Variants in NSD1 observed in about 807,000 individuals in gnomAD.
The protein encoded by NSD1 is histone-lysine N-methyltransferase, H3 lysine-36 specific.
Under a neutral mutation model 242.7 loss-of-function variants are expected in NSD1, and 26 were observed. That is an observed-to-expected ratio of 0.11 (90% CI 0.08 to 0.15). The LOEUF is 0.15. Among genes scored for constraint, NSD1 ranks in the 10% least tolerant of loss-of-function variants. The pLI, the probability that NSD1 is intolerant of heterozygous loss-of-function variation, is 1.00. For synonymous variants in NSD1, 1,106 were observed against 1,178.1 expected (o/e 0.94, Z 1.25); for missense variants, 2,495 against 3,272.8 (o/e 0.76, Z 5.80).
At chr5:177,168,132 C>T (rs1232031965) in intron 2 of NSD1, among the ~76,000 whole-genome samples, 1 of 152,126 alleles carries the variant, frequency 6.6e-6, no homozygotes, top group Non-Finnish European at 1.5e-5. Flanking sequence ...GATGTCTTCC[C>T]ATTTCTTTAG....
At chr5:177,236,043 T>C (rs1765413525) in intron 6 of NSD1, 98 bp downstream of exon 6, 3 of 1,347,808 alleles carry the variant, frequency 2.2e-6, no homozygotes, top group Admixed American at 3.4e-5. Context: ...ATAATTTCCT[T>C]AACTGAGATC....
upstream of NSD1, among the ~76,000 whole-genome samples, chr5:177,132,061 G>C (rs1755922044): frequency 6.6e-6 from 1 of 152,234 alleles, no homozygotes; most frequent in African/African-American, 2.4e-5. This position sits in a 1 kb window ranked among gnomAD's most constrained non-coding sequence, Gnocchi z 7.5. Flanking sequence ...CGCTGTCTTG[G>C]GGGATTGGAC....
intron 3 of NSD1, among the ~76,000 whole-genome samples, chr5:177,198,222 C>T (rs1325978489): frequency 1.3e-5 from 2 of 152,130 alleles, no homozygotes; most frequent in Non-Finnish European, 2.9e-5. Context: ...GACAAGATCT[C>T]CCTATGTTGC....
chr5:177,237,657 C>T (rs975425886), intron 6 of NSD1, among the ~76,000 whole-genome samples: 4 of 151,050 alleles, frequency 2.6e-5, no homozygotes, highest in African/African-American at 9.7e-5. Flanking sequence ...CTCAGCCTCC[C>T]GAGTAGCTGG....
At chr5:177,266,791 A>C in intron 14 of NSD1, 1 of 228,492 alleles carries the variant, frequency 4.4e-6, no homozygotes, top group Non-Finnish European at 8.5e-6. Context: ...TTCTGGCAAG[A>C]GCGTGGCTCA....
intron 4 of NSD1, among the ~76,000 whole-genome samples, chr5:177,205,179 G>A (rs1377117435): frequency 6.6e-6 from 1 of 151,928 alleles, no homozygotes; most frequent in Non-Finnish European, 1.5e-5. Flanking sequence ...TGGGATTATA[G>A]GTGCCCGCCA....
At position 177,267,727 on chromosome 5, in the gene NSD1, G is replaced by A. The variant is rs774734948; in HGVS notation, c.5303+9G>A. ...AAAGTTGGACGATACAGGTAAGCCT[G>A]AAGAATAGCACTCATCTCTTTTACC... On this transcript the variant is annotated intron_variant, in intron 15 of 22. Coordinates refer to ENST00000439151, the MANE Select transcript of NSD1 (RefSeq NM_022455.5). 4 of 1,613,182 alleles carry A rather than the reference G, an allele frequency of 2.5e-6. No individual in the cohort carries two copies. Among genetic ancestry groups the A allele is most frequent in the Non-Finnish European group, 3.4e-6 (4 of 1,179,444 alleles).
At chr5:177,241,326 G>C (rs868610609) in intron 8 of NSD1, among the ~76,000 whole-genome samples, 2 of 149,922 alleles carry the variant, frequency 1.3e-5, no homozygotes, top group Admixed American at 1.3e-4. Flanking sequence ...GTGAAACCCC[G>C]TCTCTACTAA....
In NSD1 at chr5:177,211,788, A is replaced by G. The variant is rs113856002; in HGVS notation, c.3389A>G (p.Glu1130Gly). 1.2e-4 allele frequency: 194 copies of G among 1,614,198 alleles called. 2 individuals are homozygous for G. In the African/African-American group the frequency reaches 1.9e-3, roughly 15 times the overall value. ...GKISEKGLSF[E>G]NGKGPELDSV... is the part of the protein sequence containing the mutation. ...ATTTCTGAAAAAGGACTCTCTTTTG[A>G]AAACGGAAAAGGCCCAGAGCTGGAC... The change falls in exon 5 of 23, where the codon GAA (glutamate) becomes GGA (glycine). Residue 1130 changes from glutamate to glycine, a missense_variant. Coordinates refer to ENST00000439151, the MANE Select transcript of NSD1 (RefSeq NM_022455.5).
In NSD1 at chr5:177,135,956, A is replaced by G. The variant is rs1756289197; in HGVS notation, c.853A>G (p.Ser285Gly). 1 of 1,614,108 alleles carries G rather than the reference A, an allele frequency of 6.2e-7. No individual in the cohort carries two copies. The highest frequency in any genetic ancestry group is 8.5e-7 in the Non-Finnish European group (1 of 1,179,956). ...ATCTTTTCAGGATGATCCAGATTCCAGTACCAGTACATTAGGAAACATGCT... is the reference window on the plus strand; with the variant it reads ...ATCTTTTCAGGATGATCCAGATTCCGGTACCAGTACATTAGGAAACATGCT... ...NLSFQDDPDS[S>G]TSTLGNMLEL... is the part of the protein sequence containing the mutation. Residue 285 changes from serine (S) to glycine (G), a missense_variant, in exon 2 of 23, where the codon AGT becomes GGT. By Grantham distance (56) the Ser-to-Gly change is moderately conservative. Around this residue, in one of 19 missense-constraint regions of NSD1, gnomAD observed 376 missense variants for 367.4 expected, o/e 1.02. Transcript: ENST00000439151.
intron 5 of NSD1, among the ~76,000 whole-genome samples, chr5:177,216,781 C>T (rs898767238): frequency 2.0e-5 from 3 of 151,242 alleles, no homozygotes; most frequent in African/African-American, 4.9e-5. Flanking sequence ...CTCAGACTCC[C>T]AAAAAGCGGG....
chr5:177,240,180 C>G (rs1033689741), intron 8 of NSD1, among the ~76,000 whole-genome samples: 1 of 152,116 alleles, frequency 6.6e-6, no homozygotes, highest in African/African-American at 2.4e-5. Flanking sequence ...TACTAAACTA[C>G]TATCTCAAAT....
At chr5:177,194,579 CTTTTTTT>C (rs1200627969) in intron 3 of NSD1, among the ~76,000 whole-genome samples, 6 of 88,570 alleles carry the variant, frequency 6.8e-5, no homozygotes, top group Non-Finnish European at 8.7e-5. Flanking sequence ...CACCATGCCT[CTTTTTTT>C]TTTTTTTTTT....
At chr5:177,239,612 A>G in intron 7 of NSD1, 144 bp from the exon 8 acceptor site, 2 of 590,392 alleles carry the variant, frequency 3.4e-6, no homozygotes, top group Non-Finnish European at 3.1e-6. Flanking sequence ...TATAATAAGC[A>G]AATTACCATC....
At chr5:177,206,049 G>A (rs1220055410) in intron 4 of NSD1, among the ~76,000 whole-genome samples, 4 of 151,952 alleles carry the variant, frequency 2.6e-5, no homozygotes, top group African/African-American at 9.7e-5. Context: ...ACCCAGGCCG[G>A]AGTACAATGG....
rs770929380 is a variant in NSD1 at position 177,211,917 on chromosome 5, G to T, written c.3518G>T (p.Arg1173Leu). The stretch of plus-strand genomic sequence containing the variant: ...CAAAGGCGCACTAAACCTCGTAAGC[G>T]CATGAACAGATTTAAAGAGAAAGAA... ...LNQRRTKPRK[R>L]MNRFKEKENS... The change falls in exon 5 of 23, where the codon CGC becomes CTC. Residue 1173 changes from arginine to leucine, a missense_variant. Physicochemically the swap from Arg to Leu is moderately radical, Grantham distance 102. Transcript: ENST00000439151. 6.2e-7 allele frequency: 1 copy of T among 1,606,724 alleles called. No homozygotes were observed. The highest frequency in any genetic ancestry group is 8.5e-7 in the Non-Finnish European group (1 of 1,176,500).
At chr5:177,256,654 TA>T (rs1756493291) in intron 12 of NSD1, among the ~76,000 whole-genome samples, 1 of 152,246 alleles carries the variant, frequency 6.6e-6, no homozygotes, top group East Asian at 1.9e-4. Context: ...ATATTTCCTG[TA>T]AACTTGTAGT....
In NSD1 at chr5:177,149,997, C is replaced by T. The variant is rs533354393; in HGVS notation, c.927+13967C>T. ...TGTCACCCAGGCTAGAGTGCAATTG[C>T]GTGATCTTGGCACACTGCAACCTCT... On this transcript the variant is annotated intron_variant, in intron 2 of 22. Transcript: ENST00000439151. Among the ~76,000 whole-genome samples the T allele has an allele frequency of 1.0e-3, 159 of 152,188 alleles. 1 individual carries two copies. Among genetic ancestry groups the T allele is most frequent in the African/African-American group, 3.7e-3 (155 of 41,538 alleles).
At chr5:177,279,497 CA>C (rs1010363693) in intron 17 of NSD1, among the ~76,000 whole-genome samples, 1 of 150,524 alleles carries the variant, frequency 6.6e-6, no homozygotes, top group African/African-American at 2.4e-5. Flanking sequence ...GACTCCCTCT[CA>C]AAAAAAGGAA....
Sources: allele counts gnomAD v4.1 joint callset (sites outside exome capture counted in the v4.1 genomes callset), GRCh38; gene constraint gnomAD v4.1.1; regional missense constraint gnomAD v4.1.1; non-coding constraint Gnocchi (gnomAD v3.1); transcripts MANE v1.5; gene names NCBI Gene and HGNC (gene_info 2026-07-23, HGNC 2026-07-21).